GRIA1: variants seen among roughly 807,000 people sequenced by gnomAD.
The protein encoded by GRIA1 is glutamate ionotropic receptor AMPA type subunit 1, also known as glutamate receptor 1.
In GRIA1, 31 loss-of-function variants were observed where a neutral mutation model predicts 99.2. The observed-to-expected ratio is 0.31, with a 90% CI of 0.23 to 0.42. GRIA1 has a LOEUF of 0.42. GRIA1 is among the 10% of genes least tolerant of loss of function. The pLI is 1.00. For synonymous variants in GRIA1, 438 were observed against 432.4 expected, an observed-to-expected ratio of 1.01 and a Z score of -0.16; for missense variants, 782 against 1,157.5, an observed-to-expected ratio of 0.68 and a Z score of 4.71.
At chr5:153,585,944 G>A (rs1763447731) in intron 2 of GRIA1, among the ~76,000 whole-genome samples, 1 of 152,010 alleles carries the variant, frequency 6.6e-6, no homozygotes, top group Admixed American at 6.5e-5. Context: ...TGATGGGGTG[G>A]TGGTGAGGAG....
intron 2 of GRIA1, among the ~76,000 whole-genome samples, chr5:153,578,682 G>A (rs1221700021): frequency 6.6e-6 from 1 of 152,220 alleles, no homozygotes; most frequent in African/African-American, 2.4e-5. Context: ...CCCAAGGCGG[G>A]TGGATCACGA....
intron 11 of GRIA1, among the ~76,000 whole-genome samples, chr5:153,737,214 C>A (rs1216830196): frequency 6.8e-6 from 1 of 146,006 alleles, no homozygotes; most frequent in Non-Finnish European, 1.5e-5. Context: ...TTAATCTCAT[C>A]TCATCTTCAT....
chr5:153,792,676 G>T (rs2149657318), intron 13 of GRIA1, among the ~76,000 whole-genome samples: 1 of 152,156 alleles, frequency 6.6e-6, no homozygotes, highest in Admixed American at 6.5e-5. Context: ...GACCATTTTG[G>T]CTTGCTTTCT....
In GRIA1 at chr5:153,811,325, C is replaced by T; in HGVS notation, c.*100C>T. The T allele has an allele frequency of 1.3e-6, 1 of 757,280 alleles. No homozygotes were observed. The highest frequency in any genetic ancestry group is 1.7e-5 in the African/African-American group (1 of 57,294). The allele number at this position is 757,280 out of a possible 1,614,324, so 46.9% of individuals were successfully genotyped here. On this transcript the variant is annotated 3_prime_UTR_variant, in exon 16 of 16. Coordinates refer to ENST00000285900, the MANE Select transcript of GRIA1 (RefSeq NM_000827.4). The stretch of plus-strand genomic sequence containing the variant: ...ACAACAACAAAATGAAACGCAACCA[C>T]CACCAACCACTGCGACCACAAGAAG...
At chr5:153,618,217 T>A (rs957950563) in intron 2 of GRIA1, among the ~76,000 whole-genome samples, 1 of 152,216 alleles carries the variant, frequency 6.6e-6, no homozygotes, top group Admixed American at 6.5e-5. Context: ...TAGTTAAGAA[T>A]GTACAACCTG....
At chr5:153,522,362 C>T (rs1757226809) in intron 2 of GRIA1, among the ~76,000 whole-genome samples, 1 of 152,142 alleles carries the variant, frequency 6.6e-6, no homozygotes. Flanking sequence ...TAGTTATTCC[C>T]ATTTTGAAAA....
intron 1 of GRIA1, 94 bp downstream of exon 1, chr5:153,491,064 T>A (rs576163964): frequency 8.0e-7 from 1 of 1,243,338 alleles, no homozygotes; most frequent in South Asian, 1.2e-5. Flanking sequence ...CGGTACTGAC[T>A]GTTTTGCTTG....
chr5:153,650,334 A>G lies in GRIA1; in HGVS notation c.465A>G (p.Leu155=). The G allele has an allele frequency of 6.2e-7, 1 of 1,613,502 alleles. No homozygotes were observed. The highest frequency in any genetic ancestry group is 8.5e-7 in the Non-Finnish European group (1 of 1,179,642). ...FVYIYDADRG[L]SVLQKVLDTA... ...TTCTACTCATCTGAACTTTAGGCTT[A>G]TCCGTCCTGCAGAAAGTCCTGGATA... is the stretch of plus-strand genomic sequence containing the variant. Residue 155 remains leucine, a synonymous_variant, in exon 4 of 16, where the codon TTA becomes TTG. Transcript: ENST00000285900.
chr5:153,675,298 A>T (rs531549932), intron 6 of GRIA1, among the ~76,000 whole-genome samples: 1 of 152,272 alleles, frequency 6.6e-6, no homozygotes, highest in East Asian at 1.9e-4. Flanking sequence ...CTGCTCAGCC[A>T]TGTGCCCAGC....
At chr5:153,528,091 C>G (rs759747053) in intron 2 of GRIA1, among the ~76,000 whole-genome samples, 1 of 152,056 alleles carries the variant, frequency 6.6e-6, no homozygotes, top group African/African-American at 2.4e-5. Context: ...TTTATGCTTG[C>G]GAAAATGTGT....
At chr5:153,728,724 T>G (rs1581553112) in intron 11 of GRIA1, among the ~76,000 whole-genome samples, 1 of 98,738 alleles carries the variant, frequency 1.0e-5, no homozygotes, top group African/African-American at 4.3e-5. Context: ...CATTAAAAAG[T>G]CAGGAAACAA....
At chr5:153,703,607 G>A (rs1474416991) in intron 10 of GRIA1, among the ~76,000 whole-genome samples, 2 of 152,114 alleles carry the variant, frequency 1.3e-5, no homozygotes, top group African/African-American at 4.8e-5. Context: ...GGGCATTGTG[G>A]CACATCCCTG....
intron 2 of GRIA1, among the ~76,000 whole-genome samples, chr5:153,613,568 C>T (rs1379903962): frequency 6.6e-6 from 1 of 152,114 alleles, no homozygotes; most frequent in Non-Finnish European, 1.5e-5. Context: ...TTACTTCCCT[C>T]TCTCCCTTCT....
At chr5:153,547,882 C>G (rs1259401258) in intron 2 of GRIA1, among the ~76,000 whole-genome samples, 1 of 152,026 alleles carries the variant, frequency 6.6e-6, no homozygotes, top group Non-Finnish European at 1.5e-5. Context: ...TCAGAGGTGA[C>G]CAGGAGTCAG....
intron 10 of GRIA1, among the ~76,000 whole-genome samples, chr5:153,705,134 G>A (rs972913483): frequency 2.6e-5 from 4 of 152,152 alleles, no homozygotes; most frequent in Admixed American, 6.5e-5. Flanking sequence ...GGGAATCCAG[G>A]GTAAGCCCTG....
chr5:153,567,705 A>C (rs1015736894), intron 2 of GRIA1, among the ~76,000 whole-genome samples: 2 of 152,220 alleles, frequency 1.3e-5, no homozygotes, highest in African/African-American at 2.4e-5. Context: ...CCTTATGGGA[A>C]GCAGTGGAGC....
intron 7 of GRIA1, among the ~76,000 whole-genome samples, chr5:153,679,160 C>A (rs563966973): frequency 1.3e-5 from 2 of 152,232 alleles, no homozygotes; most frequent in East Asian, 1.9e-4. Flanking sequence ...CTTTGAGGAT[C>A]TATGGTGTGC....
intron 2 of GRIA1, among the ~76,000 whole-genome samples, chr5:153,585,883 T>G (rs1407184970): frequency 3.3e-5 from 5 of 152,150 alleles, no homozygotes; most frequent in African/African-American, 1.2e-4. Flanking sequence ...CAAACCTGTT[T>G]TAGTGTCATC....
chr5:153,795,418 T>C, intron 14 of GRIA1: 2 of 914,262 alleles, frequency 2.2e-6, no homozygotes, highest in Non-Finnish European at 3.5e-6. Flanking sequence ...CTGTCTGTGC[T>C]GAATAACATA....
Sources: allele counts gnomAD v4.1 joint callset (sites outside exome capture counted in the v4.1 genomes callset), GRCh38; gene constraint gnomAD v4.1.1; transcripts MANE v1.5; gene names NCBI Gene and HGNC (gene_info 2026-07-23, HGNC 2026-07-21).